Variants in TBRG1 observed in about 807,000 individuals in gnomAD.
The protein encoded by TBRG1 is transforming growth factor beta regulator 1, also known as nuclear interactor of ARF and MDM2.
Under a neutral mutation model 44.0 loss-of-function variants are expected in TBRG1, and 31 were observed. The observed-to-expected ratio is 0.70, with a 90% confidence interval of 0.53 to 0.95. The LOEUF (loss-of-function observed/expected upper bound fraction) is 0.95, where lower values mean the gene tolerates loss of function less well. Ranked by LOEUF, TBRG1 falls within the 40% of genes least tolerant of loss-of-function variation. TBRG1 has a pLI of 0.00. For synonymous variants in TBRG1, 171 were observed against 188.1 expected, an observed-to-expected ratio of 0.91 and a Z score of 0.74; for missense variants, 487 against 496.1, an observed-to-expected ratio of 0.98 and a Z score of 0.18.
chr11:124,624,806 G>A lies in TBRG1; in HGVS notation c.151-125G>A. On this transcript the variant is annotated intron_variant, in intron 1 of 8. Transcript: ENST00000441174. ...GGATTTATTTATAGTTTGTCACACG[G>A]TCGAATAGCTCCTTCTTCTCAGTAA... The A allele has an allele frequency of 1.3e-5, 9 of 679,020 alleles. No individual in the cohort carries two copies. In the Admixed American group the frequency reaches 2.3e-4, roughly 17 times the overall value. 42.1% of individuals were successfully genotyped at this position (679,020 alleles called of 1,614,324 possible).
chr11:124,625,803 T>C lies in TBRG1; in HGVS notation c.354T>C (p.Ala118=), dbSNP rs1483033765. 1.3e-6 allele frequency: 2 copies of C among 1,582,824 alleles called. No homozygotes were observed. The highest frequency in any genetic ancestry group is 2.3e-5 in the East Asian group (1 of 43,706). Residue 118 remains alanine (A), a synonymous_variant, in exon 3 of 9, where the codon GCT becomes GCC. Transcript: ENST00000441174. ...GCTCTGTGGGAACTATACAGGGAGC[T>C]GGGCCTATTTCAGGGCCCAGCACTG... ...VASSVGTIQG[A]GPISGPSTGA... is the part of the protein sequence containing the mutation.
At chr11:124,630,286 C>G in intron 5 of TBRG1, 102 bp from the exon 6 acceptor site, 2 of 813,302 alleles carry the variant, frequency 2.5e-6, no homozygotes, top group Non-Finnish European at 4.4e-6. Flanking sequence ...AGATGGTATA[C>G]GTCAGCTTCA....
rs940458396 is a variant in TBRG1, at chr11:124,626,574, G to C, written c.556G>C (p.Gly186Arg). 18 of 1,551,398 alleles carry C rather than the reference G, an allele frequency of 1.2e-5. No individual in the cohort carries two copies. Among genetic ancestry groups the C allele is most frequent in the Non-Finnish European group, 1.6e-5 (18 of 1,146,852 alleles). ...DPSGRPVFPI[G>R]LGGLTVYSLG... The stretch of plus-strand genomic sequence containing the variant: ...CTCAGGACGGCCTGTGTTCCCCATC[G>C]GACTAGGGGGTCTAACAGTATATAG... The change falls in exon 4 of 9, where the codon GGA (glycine) becomes CGA (arginine). Residue 186 changes from glycine to arginine, a missense_variant. By Grantham distance (125) the Gly-to-Arg change is moderately radical. Coordinates refer to ENST00000441174, the MANE Select transcript of TBRG1 (RefSeq NM_032811.3).
intron 4 of TBRG1, 72 bp from the exon 5 acceptor site, chr11:124,626,832 G>C: frequency 6.4e-7 from 1 of 1,559,542 alleles, no homozygotes; most frequent in Non-Finnish European, 8.7e-7. Flanking sequence ...GGTTCTAAAG[G>C]CTACCACAGG....
chr11:124,623,172 A>G lies in TBRG1; in HGVS notation c.89A>G (p.Gln30Arg), dbSNP rs1280818794. ...ATGAAAAAGCTCCCGAAGAAGAGCC[A>G]GAATGAGAAGTACCGGCTGAAGTAC... is the stretch of plus-strand genomic sequence containing the variant. ...ARMKKLPKKS[Q>R]NEKYRLKYLR... The change falls in exon 1 of 9, where the codon CAG becomes CGG. Residue 30 changes from glutamine (Q) to arginine (R), a missense_variant. By Grantham distance (43) the Gln-to-Arg change is conservative. Coordinates refer to ENST00000441174, the MANE Select transcript of TBRG1 (RefSeq NM_032811.3). The G allele has an allele frequency of 6.4e-6, 10 of 1,551,720 alleles. No homozygotes were observed. Among genetic ancestry groups the G allele is most frequent in the Non-Finnish European group, 8.7e-6 (10 of 1,147,004 alleles).
At chr11:124,624,832 T>A (rs1263637211) in intron 1 of TBRG1, 99 bp from the exon 2 acceptor site, 2 of 791,504 alleles carry the variant, frequency 2.5e-6, no homozygotes, top group African/African-American at 3.5e-5. Context: ...TTCTCAGTAA[T>A]ACAAGCTTTT....
chr11:124,630,089 C>A, intron 5 of TBRG1: 2 of 244,120 alleles, frequency 8.2e-6, no homozygotes, highest in South Asian at 5.8e-5. Flanking sequence ...TTTAAAATAC[C>A]ATTTGTATTT....
At position 124,631,307 on chromosome 11, in the gene TBRG1, C is replaced by G; in HGVS notation, c.980C>G (p.Pro327Arg). 1 of 1,609,702 alleles carries G rather than the reference C, an allele frequency of 6.2e-7. No individual in the cohort carries two copies. The highest frequency in any genetic ancestry group is 8.5e-7 in the Non-Finnish European group (1 of 1,177,994). Residue 327 changes from proline (P) to arginine (R), a missense_variant, in exon 8 of 9, where the codon CCT (proline) becomes CGT (arginine). Transcript: ENST00000441174. ...YQWVKFDVCK[P>R]GDGQLPEGLP... The stretch of plus-strand genomic sequence containing the variant: ...TGGGTGAAATTTGATGTGTGCAAAC[C>G]TGGAGATGGGCAGCTACCTGAGGGG...
chr11:124,635,640 C>T lies in TBRG1; in HGVS notation c.*3402C>T, dbSNP rs891958909. ...TATCTAAACCATATTTTTTACACTA[C>T]GTAAAATACATTGTATATGTACAGT... On this transcript the variant is annotated 3_prime_UTR_variant, in exon 9 of 9. Coordinates refer to ENST00000441174, the MANE Select transcript of TBRG1 (RefSeq NM_032811.3). The T allele has an allele frequency of 3.9e-5, 6 of 152,118 alleles. No individual in the cohort carries two copies. The highest frequency in any genetic ancestry group is 9.7e-5 in the African/African-American group (4 of 41,432). 9.4% of individuals were successfully genotyped at this position (152,118 alleles called of 1,614,324 possible). A position where few individuals can be genotyped will look rare whatever the true frequency, so the allele number is the denominator to read the frequency against.
In TBRG1 at chr11:124,632,116, C is replaced by G; in HGVS notation, c.1114C>G (p.Gln372Glu). Residue 372 changes from glutamine to glutamate, a missense_variant, in exon 9 of 9, where the codon CAG (glutamine) becomes GAG (glutamate). Physicochemically the swap from Gln to Glu is conservative, Grantham distance 29. Transcript: ENST00000441174. ...LPGSLDLPEL[Q>E]PAAFVSSYQP... Reference sequence around the variant, plus strand: ...AGGATCCTTGGACCTCCCAGAGCTTCAGCCTGCAGCCTTTGTGTCTTCTTA... The same window carrying G: ...AGGATCCTTGGACCTCCCAGAGCTTGAGCCTGCAGCCTTTGTGTCTTCTTA... The G allele has an allele frequency of 6.2e-7, 1 of 1,613,672 alleles. No individual in the cohort carries two copies. Among genetic ancestry groups the G allele is most frequent in the Non-Finnish European group, 8.5e-7 (1 of 1,179,652 alleles).
Position 124,625,763 on chromosome 11 carries a change from C to T in TBRG1, c.314C>T (p.Thr105Ile), listed in dbSNP as rs1942454214. 11 of 1,570,630 alleles carry T rather than the reference C, an allele frequency of 7.0e-6. No individual in the cohort carries two copies. Among genetic ancestry groups the T allele is most frequent in the Non-Finnish European group, 9.5e-6 (11 of 1,156,492 alleles). Residue 105 changes from threonine (T) to isoleucine (I), a missense_variant, in exon 3 of 9, where the codon ACT becomes ATT. Thr to Ile is a moderately conservative substitution (Grantham distance 89). Coordinates refer to ENST00000441174, the MANE Select transcript of TBRG1 (RefSeq NM_032811.3). ...APSHSSSLPL[T>I]YGVASSVGTI... ...TCCCACAGTTCCAGTTTGCCCCTGA[C>T]TTATGGTGTGGCCAGCTCTGTGGGA...
Position 124,628,169 on chromosome 11 carries a change from G to A in TBRG1, c.738+1119G>A, listed in dbSNP as rs558050824. ...CACAGACTAAATATATGTAATTCTT[G>A]TATCTCTTTCCAGATGATTCCTTTT... On this transcript the variant is annotated intron_variant, in intron 5 of 8. Coordinates refer to ENST00000441174, the MANE Select transcript of TBRG1 (RefSeq NM_032811.3). Among the ~76,000 whole-genome samples the A allele has an allele frequency of 4.5e-5, 6 of 133,980 alleles. No individual in the cohort carries two copies. The South Asian group carries it at 1.4e-3, about 32-fold the overall frequency. The allele number at this position is 133,980 out of a possible 152,430, so 87.9% of individuals were successfully genotyped here. A position where few individuals can be genotyped will look rare whatever the true frequency, so the allele number is the denominator to read the frequency against.
chr11:124,634,574 G>A lies in TBRG1; in HGVS notation c.*2336G>A, dbSNP rs539499099. ...TCCTCTTCCATGTTAAGAACCCTAA[G>A]AAATAACTGGACGAGTGTGGTATGA... is the stretch of plus-strand genomic sequence containing the variant. On this transcript the variant is annotated 3_prime_UTR_variant, in exon 9 of 9. Transcript: ENST00000441174. 1 of 152,170 alleles carries A rather than the reference G, an allele frequency of 6.6e-6. No individual in the cohort carries two copies. The highest frequency in any genetic ancestry group is 2.1e-4 in the South Asian group (1 of 4,822). The allele number at this position is 152,170 out of a possible 1,614,324, so 9.4% of individuals were successfully genotyped here.
In TBRG1 at chr11:124,632,306, A is replaced by T; in HGVS notation, c.*68A>T. 1 of 1,456,034 alleles carries T rather than the reference A, an allele frequency of 6.9e-7. No individual in the cohort carries two copies. The highest frequency in any genetic ancestry group is 1.2e-5 in the South Asian group (1 of 82,468). 90.2% of individuals were successfully genotyped at this position (1,456,034 alleles called of 1,614,324 possible). A position where few individuals can be genotyped will look rare whatever the true frequency, so the allele number is the denominator to read the frequency against. On this transcript the variant is annotated 3_prime_UTR_variant, in exon 9 of 9. Coordinates refer to ENST00000441174, the MANE Select transcript of TBRG1 (RefSeq NM_032811.3). ...TTTAACTTAAACTAAAATTTTGGGTATATGAAAGAAGGCAGCAATTCAGAA... is the reference window on the plus strand; with the variant it reads ...TTTAACTTAAACTAAAATTTTGGGTTTATGAAAGAAGGCAGCAATTCAGAA...
chr11:124,622,904 G>A lies in TBRG1; in HGVS notation c.-180G>A, dbSNP rs905561796. The stretch of plus-strand genomic sequence containing the variant: ...ACGGAAGTGCTGGGAGGCGCCGGGA[G>A]CCCGTTCGGTTGCGGGTGTCTCTGG... On this transcript the variant is annotated 5_prime_UTR_variant, in exon 1 of 9. Transcript: ENST00000441174. 20 of 628,336 alleles carry A rather than the reference G, an allele frequency of 3.2e-5. No individual in the cohort carries two copies. The highest frequency in any genetic ancestry group is 5.6e-5 in the African/African-American group (3 of 53,598). 38.9% of individuals were successfully genotyped at this position (628,336 alleles called of 1,614,324 possible).
chr11:124,628,594 G>T lies in TBRG1; in HGVS notation c.738+1544G>T, dbSNP rs1019656742. Among the ~76,000 whole-genome samples the T allele has an allele frequency of 2.0e-5, 3 of 149,888 alleles. No individual in the cohort carries two copies. In the East Asian group the frequency reaches 5.9e-4, roughly 29 times the overall value. ...AGATGGTAAAGTGTGGGCCTCATCA[G>T]TAAGTGGGGAAATGCAAATAAAACA... On this transcript the variant is annotated intron_variant, in intron 5 of 8. Transcript: ENST00000441174.
At position 124,635,815 on chromosome 11, in the gene TBRG1, T is replaced by C. The variant is rs749314968; in HGVS notation, c.*3577T>C. The C allele has an allele frequency of 3.3e-5, 5 of 152,218 alleles. No homozygotes were observed. The highest frequency in any genetic ancestry group is 7.3e-5 in the Non-Finnish European group (5 of 68,038). The allele number at this position is 152,218 out of a possible 1,614,324, so 9.4% of individuals were successfully genotyped here. On this transcript the variant is annotated 3_prime_UTR_variant, in exon 9 of 9. Coordinates refer to ENST00000441174, the MANE Select transcript of TBRG1 (RefSeq NM_032811.3). ...ACATCACTAGTGATTATGCTTTTAT[T>C]TATTTCCAACTTCTTATAGGTAACA... is the stretch of plus-strand genomic sequence containing the variant.
chr11:124,626,402 C>A lies in TBRG1; in HGVS notation c.455-71C>A, dbSNP rs1284617477. 4.5e-6 allele frequency: 6 copies of A among 1,345,722 alleles called. No individual in the cohort carries two copies. In the East Asian group the frequency reaches 1.0e-4, roughly 23 times the overall value. 83.4% of individuals were successfully genotyped at this position (1,345,722 alleles called of 1,614,324 possible). A position where few individuals can be genotyped will look rare whatever the true frequency, so the allele number is the denominator to read the frequency against. The stretch of plus-strand genomic sequence containing the variant: ...ATTGGCTTATTGCCCTCACCATTCA[C>A]GTGCAAATTTATCCCTTCCCTTCAA... On this transcript the variant is annotated intron_variant, in intron 3 of 8. Transcript: ENST00000441174.
In TBRG1 at chr11:124,625,828, G is replaced by C. The variant is rs1465231583; in HGVS notation, c.379G>C (p.Gly127Arg). Reference sequence around the variant, plus strand: ...TGGGCCTATTTCAGGGCCCAGCACTGGGGCTGAGGAACCATTTGGGAAGAA... The same window carrying C: ...TGGGCCTATTTCAGGGCCCAGCACTCGGGCTGAGGAACCATTTGGGAAGAA... ...GAGPISGPST[G>R]AEEPFGKKTK... The change falls in exon 3 of 9, where the codon GGG becomes CGG. Residue 127 changes from glycine (G) to arginine (R), a missense_variant. Coordinates refer to ENST00000441174, the MANE Select transcript of TBRG1 (RefSeq NM_032811.3). The C allele has an allele frequency of 3.8e-6, 6 of 1,581,160 alleles. No homozygotes were observed. Among genetic ancestry groups the C allele is most frequent in the Admixed American group, 1.9e-5 (1 of 53,820 alleles).
Sources: gnomAD v4.1 joint callset for allele counts (sites outside exome capture counted in the v4.1 genomes callset) on GRCh38, gnomAD v4.1.1 for gene constraint, MANE v1.5 for transcripts, NCBI Gene and HGNC (gene_info 2026-07-23, HGNC 2026-07-21) for gene names.